Variants in PRMT8 observed in about 807,000 individuals in gnomAD.
PRMT8 encodes protein arginine methyltransferase 8, also known as protein arginine N-methyltransferase 8.
In PRMT8, 7 loss-of-function variants were observed where a neutral mutation model predicts 47.1. The observed-to-expected ratio is 0.15, with a 90% CI of 0.08 to 0.28. The LOEUF (loss-of-function observed/expected upper bound fraction) is 0.28. Ranked by LOEUF, PRMT8 falls within the 10% of genes least tolerant of loss-of-function variation. The pLI is 1.00. For synonymous variants in PRMT8, 188 were observed against 186.5 expected, an observed-to-expected ratio of 1.01 and a Z score of -0.07; for missense variants, 237 against 505.4, an observed-to-expected ratio of 0.47 and a Z score of 5.09.
rs955342407 is a variant in PRMT8, at chr12:3,396,271, A to C, written c.48+14829A>C. On this transcript the variant is annotated intron_variant, in intron 1 of 9. Coordinates refer to the PRMT8 transcript ENST00000452611. ...CCTGTCATTATGATGTTAGCTGGTTATTTTGCTGGTTAGTTGATGCAGTTT... is the reference window on the plus strand; with the variant it reads ...CCTGTCATTATGATGTTAGCTGGTTCTTTTGCTGGTTAGTTGATGCAGTTT... Among the ~76,000 whole-genome samples, 889 of 152,096 alleles carry C rather than the reference A, an allele frequency of 5.8e-3. 11 individuals are homozygous for C. The highest frequency in any genetic ancestry group is 0.021 in the African/African-American group (855 of 41,480).
intron 9 of PRMT8, among the ~76,000 whole-genome samples, 161 bp downstream of exon 9, chr12:3,592,513 G>A (rs749169579): frequency 1.3e-5 from 2 of 152,022 alleles, no homozygotes; most frequent in Non-Finnish European, 2.9e-5. Flanking sequence ...GCCTAATTGA[G>A]GGACTCAGGC....
At chr12:3,475,516 A>T (rs1459839703) in intron 1 of PRMT8, among the ~76,000 whole-genome samples, 1 of 152,116 alleles carries the variant, frequency 6.6e-6, no homozygotes, top group Non-Finnish European at 1.5e-5. Flanking sequence ...AGCTCTGGGG[A>T]CTTTTTCTGC....
intron 1 of PRMT8, among the ~76,000 whole-genome samples, chr12:3,416,383 A>G (rs1279663779): frequency 6.6e-6 from 1 of 152,188 alleles, no homozygotes; most frequent in East Asian, 1.9e-4. Flanking sequence ...AGGATCCTCC[A>G]GGCTTTGCAT....
chr12:3,459,781 G>A (rs1279237948), intron 1 of PRMT8, among the ~76,000 whole-genome samples: 1 of 152,090 alleles, frequency 6.6e-6, no homozygotes, highest in African/African-American at 2.4e-5. Flanking sequence ...TGTCTTCCAA[G>A]GTGGGAGCAG....
chr12:3,409,835 T>C lies in PRMT8; in HGVS notation c.48+28393T>C, dbSNP rs1864408443. Among the ~76,000 whole-genome samples the C allele has an allele frequency of 1.3e-5, 2 of 152,128 alleles. No homozygotes were observed. Among genetic ancestry groups the C allele is most frequent in the South Asian group, 4.1e-4 (2 of 4,828 alleles). On this transcript the variant is annotated intron_variant, in intron 1 of 9. Transcript: ENST00000452611. The surrounding 1 kb of genome is among the most constrained non-coding windows in gnomAD (Gnocchi z 4.4). ...GGATTCCCTGGGAATCCACAGTGCCTCATCAGCTTCAGCACCAGGGGGTGT... is the reference window on the plus strand; with the variant it reads ...GGATTCCCTGGGAATCCACAGTGCCCCATCAGCTTCAGCACCAGGGGGTGT...
chr12:3,480,147 A>G (rs1045177817), intron 1 of PRMT8, among the ~76,000 whole-genome samples: 3 of 152,348 alleles, frequency 2.0e-5, no homozygotes, highest in African/African-American at 7.2e-5. Context: ...CTTGAATGCC[A>G]TATTTTAAAA....
intron 1 of PRMT8, among the ~76,000 whole-genome samples, chr12:3,516,434 A>C (rs1228823974): frequency 2.6e-5 from 4 of 152,360 alleles, no homozygotes; most frequent in African/African-American, 9.6e-5. Flanking sequence ...GGATTATAGT[A>C]CAGAGGAGCC....
intron 1 of PRMT8, among the ~76,000 whole-genome samples, chr12:3,458,120 C>T (rs533054314): frequency 2.6e-5 from 4 of 152,322 alleles, no homozygotes; most frequent in East Asian, 1.9e-4. Context: ...GGATTACAGG[C>T]GTGAGCATGC....
At chr12:3,403,098 AATATGCTACAG>A (rs1864334541) in intron 1 of PRMT8, among the ~76,000 whole-genome samples, 3 of 152,218 alleles carry the variant, frequency 2.0e-5, no homozygotes. Context: ...GGATAAAGAA[AATATGCTACAG>A]ATACACCATG....
At chr12:3,573,426 G>A (rs1026308139) in intron 6 of PRMT8, among the ~76,000 whole-genome samples, 4 of 152,102 alleles carry the variant, frequency 2.6e-5, no homozygotes, top group African/African-American at 9.7e-5. Context: ...ACTTAGTATA[G>A]ATACTTTAAA....
intron 1 of PRMT8, among the ~76,000 whole-genome samples, chr12:3,412,770 C>T (rs1445050614): frequency 6.6e-6 from 1 of 152,074 alleles, no homozygotes; most frequent in African/African-American, 2.4e-5. Context: ...GGATGCGTTC[C>T]CTTATACAAG....
chr12:3,465,129 AAT>A (rs1555082222), intron 1 of PRMT8, among the ~76,000 whole-genome samples: 4 of 55,374 alleles, frequency 7.2e-5, no homozygotes, highest in African/African-American at 3.2e-4. Context: ...TCTCAAAAAA[AAT>A]ATATATATAT....
chr12:3,386,174 C>T (rs1864135874), intron 1 of PRMT8, among the ~76,000 whole-genome samples: 1 of 152,198 alleles, frequency 6.6e-6, no homozygotes, highest in Non-Finnish European at 1.5e-5. Context: ...CGATATCTTA[C>T]TGTCTTTGTG....
At chr12:3,405,053 C>T (rs758047156) in intron 1 of PRMT8, among the ~76,000 whole-genome samples, 11 of 151,974 alleles carry the variant, frequency 7.2e-5, no homozygotes, top group African/African-American at 1.7e-4. Flanking sequence ...TAGATATACC[C>T]GAGACTGGGT....
At position 3,583,404 on chromosome 12, in the gene PRMT8, TGTG is replaced by T. The variant is rs1427339505; in HGVS notation, c.979+199_979+201del. ...TGTCCAAGGAGAAGGTAAATAATGT[TGTG>T]GTTGTTACAGCACAAGTTGAGAGTG... On this transcript the variant is annotated intron_variant, in intron 8 of 9. Coordinates refer to ENST00000382622, the MANE Select transcript of PRMT8 (RefSeq NM_019854.5). The surrounding 1 kb of genome is among the most constrained non-coding windows in gnomAD (Gnocchi z 4.7). Among the ~76,000 whole-genome samples, 1 of 152,104 alleles carries T rather than the reference TGTG, an allele frequency of 6.6e-6. No individual in the cohort carries two copies. The highest frequency in any genetic ancestry group is 1.9e-4 in the East Asian group (1 of 5,174).
At chr12:3,392,686 C>G (rs1473245389) in intron 1 of PRMT8, among the ~76,000 whole-genome samples, 1 of 152,102 alleles carries the variant, frequency 6.6e-6, no homozygotes. Context: ...GTGCATGTGT[C>G]TTTAAAGCAG....
chr12:3,469,234 A>G, intron 1 of PRMT8: 1 of 454,872 alleles, frequency 2.2e-6, no homozygotes, highest in Admixed American at 2.2e-5. Context: ...CAAGGACCAA[A>G]CACCCCCATC....
Position 3,538,553 on chromosome 12 carries a change from A to G in PRMT8, c.76-2053A>G, listed in dbSNP as rs1866161853. 2.0e-6 allele frequency: 1 copy of G among 508,682 alleles called. No homozygotes were observed. The highest frequency in any genetic ancestry group is 2.0e-5 in the Admixed American group (1 of 50,672). The allele number at this position is 508,682 out of a possible 1,614,324, so 31.5% of individuals were successfully genotyped here. On this transcript the variant is annotated intron_variant, in intron 1 of 9. Transcript: ENST00000382622. The surrounding 1 kb of genome is among the most constrained non-coding windows in gnomAD (Gnocchi z 4.6). ...ACATGGAAAAGAGAGCCTTGGAACCAGAGTGGAGTGACAGCTAAGGGGTGC... is the reference window on the plus strand; with the variant it reads ...ACATGGAAAAGAGAGCCTTGGAACCGGAGTGGAGTGACAGCTAAGGGGTGC...
At chr12:3,466,134 G>A (rs923750904) in intron 1 of PRMT8, among the ~76,000 whole-genome samples, 3 of 152,212 alleles carry the variant, frequency 2.0e-5, no homozygotes, top group African/African-American at 4.8e-5. Flanking sequence ...TGCCAATCTC[G>A]GTTTAAGTCT....
Sources: allele counts gnomAD v4.1 joint callset (sites outside exome capture counted in the v4.1 genomes callset), GRCh38; gene constraint gnomAD v4.1.1; non-coding constraint Gnocchi (gnomAD v3.1); transcripts MANE v1.5; gene names NCBI Gene and HGNC (gene_info 2026-07-23, HGNC 2026-07-21).